The following ACTR3C variants were observed in gnomAD, a reference collection of about 807,000 sequenced individuals.
ACTR3C encodes actin related protein 3C.
A neutral mutation model predicts 26.3 loss-of-function variants in ACTR3C; 18 were observed. That is an observed-to-expected ratio of 0.68 (90% CI 0.47 to 1.01). ACTR3C has a LOEUF of 1.01. Among genes scored for constraint, ACTR3C ranks in the 50% least tolerant of loss-of-function variants. ACTR3C has a pLI of 0.00. For missense variants in ACTR3C, 184 were observed against 250.7 expected (o/e 0.73, Z 1.80); for synonymous variants, 55 against 94.5 (o/e 0.58, Z 2.42).
the ACTR3C span, among the ~76,000 whole-genome samples, chr7:150,037,151 T>G: frequency 6.3e-5 from 3 of 47,762 alleles, no homozygotes; most frequent in Admixed American, 2.0e-4. Flanking sequence ...TCGTGGGGGG[T>G]GCCTCCCCCC....
the ACTR3C span, among the ~76,000 whole-genome samples, chr7:150,041,796 T>G: frequency 1.5e-4 from 16 of 104,678 alleles, no homozygotes; most frequent in East Asian, 6.2e-4. Context: ...TCGCGGGGGG[T>G]GCCTCCCCCC....
intron 1 of ACTR3C, among the ~76,000 whole-genome samples, chr7:150,316,256 ACTTT>A (rs1224422403): frequency 2.0e-5 from 3 of 152,154 alleles, no homozygotes; most frequent in South Asian, 2.1e-4. Flanking sequence ...GATGTACCAT[ACTTT>A]CTTTAAGCAA....
At chr7:149,888,823 C>G in the ACTR3C span, among the ~76,000 whole-genome samples, 6 of 152,120 alleles carry the variant, frequency 3.9e-5, no homozygotes, top group East Asian at 1.2e-3. Context: ...GTCTGGCCAA[C>G]GTGGTGAAAC....
chr7:150,181,310 C>T, the ACTR3C span, among the ~76,000 whole-genome samples: 2 of 150,634 alleles, frequency 1.3e-5, no homozygotes, highest in African/African-American at 5.0e-5. Flanking sequence ...TTATTTATTT[C>T]CATTAGAAGA....
chr7:150,149,695 G>A, the ACTR3C span, among the ~76,000 whole-genome samples: 2 of 152,152 alleles, frequency 1.3e-5, no homozygotes, highest in South Asian at 2.1e-4. Context: ...TGGCTGCATA[G>A]TATTCCATGG....
chr7:150,199,146 G>A, the ACTR3C span, among the ~76,000 whole-genome samples: 1 of 149,690 alleles, frequency 6.7e-6, no homozygotes, highest in African/African-American at 2.5e-5. Flanking sequence ...TGACAATGGC[G>A]GCTTTGTGGA....
At chr7:150,296,586 G>A (rs901767968) in intron 1 of ACTR3C, among the ~76,000 whole-genome samples, 3 of 145,602 alleles carry the variant, frequency 2.1e-5, no homozygotes, top group Admixed American at 6.9e-5. Flanking sequence ...TCTATATCTC[G>A]TATTTAAAAC....
At chr7:150,070,017 G>T in the ACTR3C span, among the ~76,000 whole-genome samples, 1 of 152,178 alleles carries the variant, frequency 6.6e-6, no homozygotes, top group African/African-American at 2.4e-5. Context: ...GAACATGGAC[G>T]CCTTCCCAAG....
At chr7:150,181,949 G>A in the ACTR3C span, among the ~76,000 whole-genome samples, 1 of 150,578 alleles carries the variant, frequency 6.6e-6, no homozygotes, top group Non-Finnish European at 1.5e-5. Flanking sequence ...CACTCATGGA[G>A]CTTACAGTCT....
the ACTR3C span, among the ~76,000 whole-genome samples, chr7:149,913,587 G>A: frequency 2.0e-5 from 3 of 151,926 alleles, no homozygotes; most frequent in Non-Finnish European, 2.9e-5. Context: ...GGGAAACTCC[G>A]GAAACAGATT....
At chr7:150,299,175 G>C (rs1405915996) in intron 1 of ACTR3C, among the ~76,000 whole-genome samples, 1 of 151,412 alleles carries the variant, frequency 6.6e-6, no homozygotes, top group Non-Finnish European at 1.5e-5. Flanking sequence ...TAGAGACAGG[G>C]TTTCACGATG....
the ACTR3C span, among the ~76,000 whole-genome samples, chr7:149,883,935 T>C: frequency 6.7e-6 from 1 of 149,502 alleles, no homozygotes; most frequent in Non-Finnish European, 1.5e-5. Context: ...TACCTCAGCA[T>C]CCCTGAGAGA....
chr7:149,993,828 G>A, the ACTR3C span, among the ~76,000 whole-genome samples: 25 of 152,254 alleles, frequency 1.6e-4, no homozygotes, highest in Non-Finnish European at 3.1e-4. Context: ...TCAGAATGGG[G>A]ATATTACCCC....
chr7:150,166,681 A>G, the ACTR3C span, among the ~76,000 whole-genome samples: 8 of 150,020 alleles, frequency 5.3e-5, no homozygotes, highest in Non-Finnish European at 1.0e-4. Flanking sequence ...CCTGGGCAAC[A>G]GAGTTAGATT....
At chr7:150,320,928 A>G (rs1387128616) in intron 1 of ACTR3C, among the ~76,000 whole-genome samples, 3 of 152,228 alleles carry the variant, frequency 2.0e-5, no homozygotes, top group African/African-American at 7.2e-5. Context: ...CACCTCTGAC[A>G]ATACAACTCA....
At chr7:150,267,412 C>T (rs980787236) in intron 6 of ACTR3C, among the ~76,000 whole-genome samples, 15 of 152,192 alleles carry the variant, frequency 9.9e-5, no homozygotes, top group African/African-American at 2.2e-4. Flanking sequence ...GCTTAGGGCA[C>T]GAGTCTCTTC....
the ACTR3C span, chr7:150,047,613 T>C: frequency 9.7e-7 from 1 of 1,033,174 alleles, no homozygotes; most frequent in Non-Finnish European, 1.2e-6. Context: ...TCTTACGTCC[T>C]CCTTGTCACC....
chr7:150,166,525 C>T, the ACTR3C span, among the ~76,000 whole-genome samples: 1 of 150,602 alleles, frequency 6.6e-6, no homozygotes, highest in African/African-American at 2.5e-5. Context: ...ATGGCGAAAC[C>T]CCGTCTCTAC....
chr7:150,262,844 G>A (rs1264392368), intron 6 of ACTR3C, among the ~76,000 whole-genome samples: 9 of 152,154 alleles, frequency 5.9e-5, no homozygotes, highest in South Asian at 2.1e-4. Flanking sequence ...TGGGTATTGC[G>A]AAATAAGAAT....
Sources: allele counts gnomAD v4.1 joint callset (sites outside exome capture counted in the v4.1 genomes callset), GRCh38; gene constraint gnomAD v4.1.1; transcripts MANE v1.5; gene names NCBI Gene and HGNC (gene_info 2026-07-23, HGNC 2026-07-21).